Variants in SERPINB10 observed in about 807,000 individuals in gnomAD.
The protein encoded by SERPINB10 is serpin B10.
In SERPINB10, 35 loss-of-function variants were observed where a neutral mutation model predicts 39.1. The ratio of observed to expected loss-of-function variants is 0.90; its 90% CI spans 0.68 to 1.19. The LOEUF is 1.19. Ranked by LOEUF, SERPINB10 falls within the 50% of genes most tolerant of loss-of-function variation. The probability of loss-of-function intolerance (pLI) is 0.00; values close to 1 mark genes in which losing one functional copy is unlikely to be tolerated. For synonymous variants in SERPINB10, 190 were observed against 158.1 expected (o/e 1.20, Z -1.52); for missense variants, 546 against 460.5 (o/e 1.19, Z -1.70).
intron 2 of SERPINB10, among the ~76,000 whole-genome samples, chr18:63,916,379 G>A (rs573472544): frequency 4.0e-5 from 6 of 150,076 alleles, no homozygotes; most frequent in Non-Finnish European, 7.4e-5. Flanking sequence ...GAGTAAACTC[G>A]GCCCTAAATC....
intron 1 of SERPINB10, among the ~76,000 whole-genome samples, chr18:63,911,818 C>T (rs1402278285): frequency 6.6e-6 from 1 of 151,948 alleles, no homozygotes; most frequent in African/African-American, 2.4e-5. Context: ...TGAAAAATGA[C>T]GTTGGTAGTT....
chr18:63,927,209 G>GA (rs2050187842), intron 5 of SERPINB10, among the ~76,000 whole-genome samples: 2 of 151,786 alleles, frequency 1.3e-5, no homozygotes, highest in Admixed American at 6.6e-5. Context: ...GTTTGTTGAA[G>GA]AAAAATATTA....
intron 6 of SERPINB10, among the ~76,000 whole-genome samples, chr18:63,932,720 A>G (rs1252728213): frequency 1.3e-5 from 2 of 152,220 alleles, no homozygotes; most frequent in Non-Finnish European, 2.9e-5. Flanking sequence ...ATTTTCATGT[A>G]AAATATGCCT....
chr18:63,917,942 G>T, intron 3 of SERPINB10, 23 bp from the exon 4 acceptor site: 2 of 1,605,220 alleles, frequency 1.2e-6, no homozygotes, highest in South Asian at 1.1e-5. Context: ...CATTTTATTT[G>T]ACTAGTTCCT....
At chr18:63,916,664 A>G (rs573999741) in intron 2 of SERPINB10, among the ~76,000 whole-genome samples, 121 of 152,200 alleles carry the variant, frequency 8.0e-4, no homozygotes, top group African/African-American at 2.8e-3. Flanking sequence ...AGACAATCTT[A>G]AGTGGATTCC....
intron 2 of SERPINB10, 39 bp downstream of exon 2, chr18:63,915,717 G>T: frequency 1.3e-6 from 2 of 1,530,768 alleles, no homozygotes; most frequent in Non-Finnish European, 1.8e-6. Flanking sequence ...TTTCTTGTAA[G>T]CTAAGTGCTT....
chr18:63,919,829 T>C lies in SERPINB10; in HGVS notation c.414T>C (p.Pro138=). 6.2e-7 allele frequency: 1 copy of C among 1,609,322 alleles called. No homozygotes were observed. The highest frequency in any genetic ancestry group is 8.5e-7 in the Non-Finnish European group (1 of 1,177,710). The part of the protein sequence containing the change: ...EDMKTYFGAE[P]QPVNFVEASD... ...TGAAAACATATTTTGGTGCAGAACC[T>C]CAGCCTGTTAACTTTGTGGAAGCTT... The change falls in exon 5 of 8, where the codon CCT becomes CCC. Residue 138 remains proline (P), a synonymous_variant. Transcript: ENST00000238508.
At chr18:63,928,612 T>C (rs982014912) in intron 5 of SERPINB10, among the ~76,000 whole-genome samples, 2 of 152,078 alleles carry the variant, frequency 1.3e-5, no homozygotes, top group Admixed American at 1.3e-4. Flanking sequence ...TAGGGGTACA[T>C]TGAATCTGTA....
chr18:63,922,398 C>T (rs976635536), intron 5 of SERPINB10, among the ~76,000 whole-genome samples: 1 of 151,938 alleles, frequency 6.6e-6, no homozygotes, highest in Non-Finnish European at 1.5e-5. Flanking sequence ...TTTGATTGTA[C>T]AGGCAAAAGT....
Position 63,935,064 on chromosome 18 carries a change from A to G in SERPINB10, c.1016A>G (p.Lys339Arg), listed in dbSNP as rs1456787101. 1.2e-6 allele frequency: 2 copies of G among 1,614,092 alleles called. No homozygotes were observed. The highest frequency in any genetic ancestry group is 3.3e-5 in the Admixed American group (2 of 60,002). Residue 339 changes from lysine (K) to arginine (R), a missense_variant, in exon 8 of 8, where the codon AAG (lysine) becomes AGG (arginine). Transcript: ENST00000238508. ...RNLFLSNVFH[K>R]AFVEINEQGT... ...CTATTTTTGTCCAATGTTTTCCATA[A>G]GGCTTTTGTGGAAATAAATGAACAA...
chr18:63,932,081 G>A (rs1481431558), intron 6 of SERPINB10, among the ~76,000 whole-genome samples: 1 of 152,156 alleles, frequency 6.6e-6, no homozygotes, highest in Admixed American at 6.6e-5. Flanking sequence ...GGGCTTCATA[G>A]ATCTTTTTGT....
chr18:63,921,583 C>T (rs2144728642), intron 5 of SERPINB10, among the ~76,000 whole-genome samples: 1 of 152,020 alleles, frequency 6.6e-6, no homozygotes, highest in African/African-American at 2.4e-5. Flanking sequence ...AATAATTTGC[C>T]TCTAATCTTG....
At chr18:63,912,042 C>T (rs2050068811) in intron 1 of SERPINB10, among the ~76,000 whole-genome samples, 2 of 150,866 alleles carry the variant, frequency 1.3e-5, no homozygotes, top group South Asian at 4.1e-4. Context: ...TATTTTTTGG[C>T]TATCATAAAT....
intron 1 of SERPINB10, among the ~76,000 whole-genome samples, chr18:63,909,446 T>TA (rs1359174131): frequency 6.6e-6 from 1 of 151,970 alleles, no homozygotes; most frequent in Non-Finnish European, 1.5e-5. Flanking sequence ...TAGATTTCTT[T>TA]AAAAAAAGAA....
intron 5 of SERPINB10, among the ~76,000 whole-genome samples, chr18:63,923,498 A>G (rs1253707628): frequency 1.3e-5 from 2 of 151,918 alleles, no homozygotes; most frequent in African/African-American, 4.8e-5. Context: ...ATCCAGCATC[A>G]TTAATAAAAA....
chr18:63,934,706 T>A, intron 7 of SERPINB10, 132 bp from the exon 8 acceptor site: 1 of 852,592 alleles, frequency 1.2e-6, no homozygotes, highest in East Asian at 2.6e-5. Context: ...TCCAGATGTG[T>A]GTGTGTTGTC....
rs138507822 is a variant in SERPINB10, at chr18:63,934,987, T to C, written c.939T>C (p.Asp313=). ...CCCTGAGCAGTATGGGGATGAGTGA[T>C]GCCTTCAGCCAAAGCAAAGCTGATT... ...KSTLSSMGMS[D]AFSQSKADFS... is the part of the protein sequence containing the mutation. The change falls in exon 8 of 8, where the codon GAT becomes GAC. Residue 313 remains aspartate (D), a synonymous_variant. Transcript: ENST00000238508. 4.3e-6 allele frequency: 7 copies of C among 1,614,244 alleles called. No homozygotes were observed. The highest frequency in any genetic ancestry group is 1.6e-4 in the Middle Eastern group (1 of 6,062).
intron 7 of SERPINB10, 29 bp downstream of exon 7, chr18:63,933,232 G>C (rs760735408): frequency 1.2e-6 from 2 of 1,611,218 alleles, no homozygotes; most frequent in Admixed American, 3.3e-5. Context: ...TCTGATGTGA[G>C]GGTGTTTCCA....
chr18:63,917,325 A>T, intron 2 of SERPINB10, 131 bp from the exon 3 acceptor site: 1 of 478,396 alleles, frequency 2.1e-6, no homozygotes. Flanking sequence ...AAGTCAAGTC[A>T]GAGCCCCTTT....
Sources: allele counts gnomAD v4.1 joint callset (sites outside exome capture counted in the v4.1 genomes callset), GRCh38; gene constraint gnomAD v4.1.1; transcripts MANE v1.5; gene names NCBI Gene and HGNC (gene_info 2026-07-23, HGNC 2026-07-21).